Variants in SLC40A1 observed in about 807,000 individuals in gnomAD.
SLC40A1 encodes the protein ferroportin.
SLC40A1 carries 16 observed loss-of-function variants against 53.5 expected under a neutral mutation model. The observed-to-expected ratio is 0.30, with a 90% CI of 0.20 to 0.45. SLC40A1 has a LOEUF of 0.45. Ranked by LOEUF, SLC40A1 falls within the 20% of genes least tolerant of loss-of-function variation. The probability of loss-of-function intolerance (pLI) is 1.00; values close to 1 mark genes in which losing one functional copy is unlikely to be tolerated. For missense variants in SLC40A1, 545 were observed against 695.4 expected, an observed-to-expected ratio of 0.78 and a Z score of 2.43; for synonymous variants, 247 against 253.2, an observed-to-expected ratio of 0.98 and a Z score of 0.23.
At chr2:189,577,844 T>C (rs2031338471) in intron 2 of SLC40A1, among the ~76,000 whole-genome samples, 1 of 97,128 alleles carries the variant, frequency 1.0e-5, no homozygotes, top group African/African-American at 2.7e-5. Context: ...CTCAGACTCC[T>C]GGGCTCAAGG....
At chr2:189,573,271 T>C (rs1327401660) in intron 3 of SLC40A1, among the ~76,000 whole-genome samples, 6 of 152,214 alleles carry the variant, frequency 3.9e-5, no homozygotes, top group Non-Finnish European at 8.8e-5. Flanking sequence ...AATGGAGCTG[T>C]AGTATGATAT....
rs1488029678 is a variant in SLC40A1 at position 189,560,661 on chromosome 2, A to G, written c.*1217T>C. The G allele has an allele frequency of 2.0e-5, 3 of 152,660 alleles. No individual in the cohort carries two copies. The highest frequency in any genetic ancestry group is 2.0e-4 in the Admixed American group (3 of 15,284). 9.5% of individuals were successfully genotyped at this position (152,660 alleles called of 1,614,324 possible). ...TTACAACATAGCAAATCATTATGTC[A>G]TACTGTAGAAAGATGAAGCAAAGGA... is the stretch of plus-strand genomic sequence containing the variant. On this transcript the variant is annotated 3_prime_UTR_variant, in exon 8 of 8. Transcript: ENST00000261024.
chr2:189,572,085 T>C (rs543168957), intron 4 of SLC40A1, among the ~76,000 whole-genome samples: 1 of 152,294 alleles, frequency 6.6e-6, no homozygotes, highest in South Asian at 2.1e-4. Flanking sequence ...AAAATTATAA[T>C]AGTCAGGTGA....
In SLC40A1 at chr2:189,561,927, T is replaced by A. The variant is rs149992028; in HGVS notation, c.1667A>T (p.Asp556Val). 52 of 1,614,060 alleles carry A rather than the reference T, an allele frequency of 3.2e-5. No homozygotes were observed. Among genetic ancestry groups the A allele is most frequent in the Non-Finnish European group, 1.7e-6 (2 of 1,180,028 alleles). ...LGNKLFACGP[D>V]AKEVRKENQA... ...ATTTTCCTTCCTAACTTCTTTTGCA[T>A]CAGGACCGCAAGCAAAGAGCTTGTT... is the stretch of plus-strand genomic sequence containing the variant. Residue 556 changes from aspartate to valine, a missense_variant, in exon 8 of 8, where the codon GAT (aspartate) becomes GTT (valine). Physicochemically the swap from Asp to Val is radical, Grantham distance 152. Transcript: ENST00000261024.
At chr2:189,578,485 G>C (rs1319823711) in intron 2 of SLC40A1, 1 of 426,990 alleles carries the variant, frequency 2.3e-6, no homozygotes, top group African/African-American at 2.2e-5. Flanking sequence ...ATTAACCAAA[G>C]GTCACATAAA....
At position 189,580,519 on chromosome 2, in the gene SLC40A1, G is replaced by A. The variant is rs758521713; in HGVS notation, c.-59C>T. 3.3e-5 allele frequency: 53 copies of A among 1,610,534 alleles called. No homozygotes were observed. Among genetic ancestry groups the A allele is most frequent in the Non-Finnish European group, 4.2e-5 (49 of 1,179,982 alleles). On this transcript the variant is annotated 5_prime_UTR_variant, in exon 1 of 8. Coordinates refer to ENST00000261024, the MANE Select transcript of SLC40A1 (RefSeq NM_014585.6). Reference sequence around the variant, plus strand: ...TGCTATCGCTGCTGCTGCTCTCGCTGAGGTGCTTGTTAACAGGAGTGCAAG... The same window carrying A: ...TGCTATCGCTGCTGCTGCTCTCGCTAAGGTGCTTGTTAACAGGAGTGCAAG...
intron 5 of SLC40A1, among the ~76,000 whole-genome samples, chr2:189,570,597 C>G (rs1288982962): frequency 6.6e-6 from 1 of 152,160 alleles, no homozygotes; most frequent in Non-Finnish European, 1.5e-5. Context: ...CTAAATTCAT[C>G]TTACATACAC....
intron 5 of SLC40A1, among the ~76,000 whole-genome samples, chr2:189,568,135 ATGT>A (rs2030994148): frequency 6.6e-6 from 1 of 151,930 alleles, no homozygotes; most frequent in Non-Finnish European, 1.5e-5. Flanking sequence ...GTCAGTAGAA[ATGT>A]TGTATTAAAA....
intron 2 of SLC40A1, among the ~76,000 whole-genome samples, chr2:189,576,591 A>AG (rs2031293322): frequency 1.3e-5 from 2 of 151,904 alleles, no homozygotes; most frequent in East Asian, 1.9e-4. Flanking sequence ...CACAACAGCA[A>AG]GGGGGTGGAG....
intron 2 of SLC40A1, among the ~76,000 whole-genome samples, chr2:189,579,259 C>T (rs1381533447): frequency 6.6e-6 from 1 of 152,156 alleles, no homozygotes; most frequent in African/African-American, 2.4e-5. Context: ...CTTTATCTAA[C>T]TATAGATAAC....
rs1255866307 is a variant in SLC40A1 at position 189,573,044 on chromosome 2, A to G, written c.272-83T>C. The G allele has an allele frequency of 6.3e-6, 6 of 954,464 alleles. No homozygotes were observed. In the South Asian group the frequency reaches 6.7e-5, roughly 11 times the overall value. 59.1% of individuals were successfully genotyped at this position (954,464 alleles called of 1,614,324 possible). On this transcript the variant is annotated intron_variant, in intron 3 of 7. Coordinates refer to ENST00000261024, the MANE Select transcript of SLC40A1 (RefSeq NM_014585.6). Reference sequence around the variant, plus strand: ...CTTATCCACACATAATTGTTCTACTATAATACATTAATACACAGACCTAAT... The same window carrying G: ...CTTATCCACACATAATTGTTCTACTGTAATACATTAATACACAGACCTAAT...
chr2:189,580,333 C>T (rs1245182655), intron 1 of SLC40A1, 85 bp downstream of exon 1: 2 of 1,332,234 alleles, frequency 1.5e-6, no homozygotes, highest in East Asian at 4.6e-5. Flanking sequence ...AGCAGAGCCA[C>T]ATTCCTCCAG....
At chr2:189,579,970 C>T (rs1238509360) in intron 1 of SLC40A1, 90 bp from the exon 2 acceptor site, 2 of 1,303,542 alleles carry the variant, frequency 1.5e-6, no homozygotes, top group Admixed American at 1.8e-5. Context: ...CTCATTAGAA[C>T]ATGATTATTA....
intron 3 of SLC40A1, 105 bp from the exon 4 acceptor site, chr2:189,573,066 T>G: frequency 1.2e-6 from 1 of 830,042 alleles, no homozygotes; most frequent in Non-Finnish European, 2.1e-6. Context: ...TACACAGACC[T>G]AATTATTACC....
rs768786843 is a variant in SLC40A1 at position 189,575,148 on chromosome 2, TAAC to T, written c.271+10_271+12del. On this transcript the variant is annotated intron_variant, in intron 3 of 7. Transcript: ENST00000261024. ...CCATGAATAAAAGGGCTTAATTATATAACAACACTCACCTTTAAGTCTAGCATT... is the reference window on the plus strand; with the variant it reads ...CCATGAATAAAAGGGCTTAATTATATAACACTCACCTTTAAGTCTAGCATT... The T allele has an allele frequency of 8.1e-5, 130 of 1,613,862 alleles. 1 individual carries two copies. In the East Asian group the frequency reaches 1.8e-3, roughly 22 times the overall value.
In SLC40A1 at chr2:189,564,062, A is replaced by G; in HGVS notation, c.924T>C (p.Phe308=). Residue 308 remains phenylalanine, a synonymous_variant, in exon 7 of 8, where the codon TTT becomes TTC. Coordinates refer to ENST00000261024, the MANE Select transcript of SLC40A1 (RefSeq NM_014585.6). ...GWVSYYNQPV[F]LAGMGLAFLY... ...GGAAAGCAAGACCCATGCCAGCCAGAAACACAGGCTGGTTGTAGTAGGAGA... is the reference window on the plus strand; with the variant it reads ...GGAAAGCAAGACCCATGCCAGCCAGGAACACAGGCTGGTTGTAGTAGGAGA... 6.2e-7 allele frequency: 1 copy of G among 1,612,412 alleles called. No homozygotes were observed. Among genetic ancestry groups the G allele is most frequent in the South Asian group, 1.1e-5 (1 of 91,020 alleles).
Position 189,580,585 on chromosome 2 carries a change from C to CA in SLC40A1, c.-126dup. ...CCTCTAAAAACACAACAGCCTTGGG[C>CA]AAAAAGACTACAACGACGACTTTGG... On this transcript the variant is annotated 5_prime_UTR_variant, in exon 1 of 8. Transcript: ENST00000261024. 1 of 1,576,514 alleles carries CA rather than the reference C, an allele frequency of 6.3e-7. No homozygotes were observed.
chr2:189,561,961 T>C lies in SLC40A1; in HGVS notation c.1633A>G (p.Thr545Ala), dbSNP rs2030753463. Residue 545 changes from threonine to alanine, a missense_variant, in exon 8 of 8, where the codon ACT (threonine) becomes GCT (alanine). Transcript: ENST00000261024. ...HIMYFRFAQN[T>A]LGNKLFACGP... is the part of the protein sequence containing the mutation. Reference sequence around the variant, plus strand: ...CAAGCAAAGAGCTTGTTTCCCAGAGTATTTTGGGCAAATCGGAAATACATA... The same window carrying C: ...CAAGCAAAGAGCTTGTTTCCCAGAGCATTTTGGGCAAATCGGAAATACATA... 10 of 1,614,030 alleles carry C rather than the reference T, an allele frequency of 6.2e-6. No individual in the cohort carries two copies. The highest frequency in any genetic ancestry group is 7.6e-6 in the Non-Finnish European group (9 of 1,180,028).
rs1015120544 is a variant in SLC40A1, at chr2:189,561,105, T to G, written c.*773A>C. 3 of 152,240 alleles carry G rather than the reference T, an allele frequency of 2.0e-5. No homozygotes were observed. The highest frequency in any genetic ancestry group is 4.8e-5 in the African/African-American group (2 of 41,466). 9.4% of individuals were successfully genotyped at this position (152,240 alleles called of 1,614,324 possible). On this transcript the variant is annotated 3_prime_UTR_variant, in exon 8 of 8. Coordinates refer to ENST00000261024, the MANE Select transcript of SLC40A1 (RefSeq NM_014585.6). ...TGAGTTAAATTGGGATTCTTGCCCT[T>G]CTGTGTGGCTTTTGGCTTCTAGGTT...
Sources: allele counts gnomAD v4.1 joint callset (sites outside exome capture counted in the v4.1 genomes callset), GRCh38; gene constraint gnomAD v4.1.1; transcripts MANE v1.5; gene names NCBI Gene and HGNC (gene_info 2026-07-23, HGNC 2026-07-21).